PAPPA2: variants seen among roughly 807,000 people sequenced by gnomAD.
PAPPA2 encodes pappalysin-2.
In PAPPA2, 86 loss-of-function variants were observed where a neutral mutation model predicts 176.4. The ratio of observed to expected loss-of-function variants is 0.49; its 90% CI spans 0.41 to 0.58. The LOEUF is 0.58. Ranked by LOEUF, PAPPA2 falls within the 20% of genes least tolerant of loss-of-function variation. The pLI is 0.00. For synonymous variants in PAPPA2, 809 were observed against 852.2 expected (o/e 0.95, Z 0.88); for missense variants, 2,073 against 2,256.9 (o/e 0.92, Z 1.65).
intron 21 of PAPPA2, among the ~76,000 whole-genome samples, chr1:176,826,203 T>C (rs1340890412): frequency 6.6e-6 from 1 of 152,158 alleles, no homozygotes; most frequent in Non-Finnish European, 1.5e-5. Flanking sequence ...ATGTATAAAC[T>C]AGAAATGACT....
intron 19 of PAPPA2, among the ~76,000 whole-genome samples, 193 bp downstream of exon 19, chr1:176,791,675 T>A (rs1006451881): frequency 6.6e-6 from 1 of 152,148 alleles, no homozygotes; most frequent in Non-Finnish European, 1.5e-5. Context: ...TGCCTCAGCC[T>A]CCCAAGTAGC....
chr1:176,769,155 G>A (rs188211817), intron 15 of PAPPA2, among the ~76,000 whole-genome samples: 60 of 152,296 alleles, frequency 3.9e-4, no homozygotes, highest in South Asian at 1.5e-3. Flanking sequence ...AATCTGCAGC[G>A]ACCCTTGGGA....
At chr1:176,615,609 C>G (rs10913218) in intron 3 of PAPPA2, among the ~76,000 whole-genome samples, 77,741 of 152,024 alleles carry the variant, frequency 0.51, 21,908 homozygotes, top group African/African-American at 0.75. Context: ...TTACAGGCGT[C>G]AGCCACCACG....
chr1:176,596,376 A>G (rs1000742596), intron 3 of PAPPA2, among the ~76,000 whole-genome samples: 10 of 152,192 alleles, frequency 6.6e-5, no homozygotes, highest in African/African-American at 2.4e-4. Flanking sequence ...TGAACAGATC[A>G]AGCTTTTTTC....
chr1:176,606,230 A>T (rs1459394350), intron 3 of PAPPA2, among the ~76,000 whole-genome samples: 3 of 152,192 alleles, frequency 2.0e-5, no homozygotes, highest in Non-Finnish European at 4.4e-5. Context: ...ATTATGCAAT[A>T]GCAGACATAA....
chr1:176,552,373 C>CGCCT (rs1651015579), intron 1 of PAPPA2, among the ~76,000 whole-genome samples: 1 of 149,036 alleles, frequency 6.7e-6, no homozygotes, highest in Non-Finnish European at 1.5e-5. Flanking sequence ...TCTTTCCCCA[C>CGCCT]GCCTCCTTCT....
chr1:176,759,436 A>G (rs1166065709), intron 14 of PAPPA2, among the ~76,000 whole-genome samples: 1 of 152,142 alleles, frequency 6.6e-6, no homozygotes, highest in Non-Finnish European at 1.5e-5. Flanking sequence ...CCCCACCTCC[A>G]TCACCATCAG....
intron 21 of PAPPA2, among the ~76,000 whole-genome samples, chr1:176,822,462 C>G (rs1666702514): frequency 6.6e-6 from 1 of 152,108 alleles, no homozygotes. Context: ...ACCTCAACTC[C>G]CACAAATTTG....
intron 3 of PAPPA2, among the ~76,000 whole-genome samples, chr1:176,661,270 A>G (rs138307197): frequency 3.2e-4 from 48 of 152,206 alleles, no homozygotes; most frequent in African/African-American, 1.0e-3. Context: ...TAGCTATTTT[A>G]ACCAAAAGGG....
intron 2 of PAPPA2, 66 bp downstream of exon 2, chr1:176,557,307 A>G (rs1573037687): frequency 2.0e-6 from 3 of 1,475,708 alleles, no homozygotes; most frequent in East Asian, 4.9e-5. Context: ...CTGACGGGTT[A>G]GACATAGGGA....
intron 2 of PAPPA2, among the ~76,000 whole-genome samples, chr1:176,575,805 T>C (rs576874450): frequency 1.4e-4 from 22 of 152,364 alleles, no homozygotes; most frequent in South Asian, 6.2e-4. Context: ...ATTGTAGAAG[T>C]TTAAAAAATA....
intron 12 of PAPPA2, among the ~76,000 whole-genome samples, chr1:176,733,415 G>A (rs1662251308): frequency 6.6e-6 from 1 of 152,120 alleles, no homozygotes; most frequent in South Asian, 2.1e-4. Flanking sequence ...AACTAACTGA[G>A]TGCGCTGACA....
At chr1:176,683,008 C>CTATTTATTTATTTATT (rs71865149) in intron 4 of PAPPA2, among the ~76,000 whole-genome samples, 1 of 140,580 alleles carries the variant, frequency 7.1e-6, no homozygotes, top group Non-Finnish European at 1.5e-5. Context: ...TTGCCCAAAG[C>CTATTTATTTATTTATT]TATTTATTTA....
intron 3 of PAPPA2, among the ~76,000 whole-genome samples, chr1:176,659,427 AT>A (rs1171625019): frequency 6.6e-6 from 1 of 151,942 alleles, no homozygotes; most frequent in Non-Finnish European, 1.5e-5. Flanking sequence ...CTGTGTCCAA[AT>A]TTCCTTTTAG....
chr1:176,694,717 T>C (rs992472324), intron 6 of PAPPA2, among the ~76,000 whole-genome samples: 1 of 152,250 alleles, frequency 6.6e-6, no homozygotes, highest in Non-Finnish European at 1.5e-5. Context: ...ACCTCAGTTA[T>C]AGTACTTGTA....
chr1:176,536,964 G>A (rs1448950155), intron 1 of PAPPA2, among the ~76,000 whole-genome samples: 1 of 152,126 alleles, frequency 6.6e-6, no homozygotes, highest in African/African-American at 2.4e-5. Flanking sequence ...TTCTGATTTT[G>A]AGAATGAGGC....
At chr1:176,638,252 A>T (rs533412241) in intron 3 of PAPPA2, among the ~76,000 whole-genome samples, 1 of 152,188 alleles carries the variant, frequency 6.6e-6, no homozygotes, top group South Asian at 2.1e-4. Context: ...CGCCATACCC[A>T]TTAAAGATAA....
chr1:176,788,953 T>A (rs6676686), intron 17 of PAPPA2, among the ~76,000 whole-genome samples: 61,950 of 152,004 alleles, frequency 0.41, 14,065 homozygotes, highest in African/African-American at 0.6. Flanking sequence ...TCATCAATTA[T>A]ATTGCCATAT....
chr1:176,572,461 A>G (rs1652406376), intron 2 of PAPPA2, among the ~76,000 whole-genome samples: 2 of 152,060 alleles, frequency 1.3e-5, no homozygotes, highest in South Asian at 4.2e-4. Flanking sequence ...TTCCTCTCAG[A>G]CTCTCAAACC....
Sources: gnomAD v4.1 joint callset for allele counts (sites outside exome capture counted in the v4.1 genomes callset) on GRCh38, gnomAD v4.1.1 for gene constraint, MANE v1.5 for transcripts, NCBI Gene and HGNC (gene_info 2026-07-23, HGNC 2026-07-21) for gene names.